The following TMEM150C variants were observed in gnomAD, a reference collection of about 807,000 sequenced individuals.
TMEM150C encodes tentonin 3.
In TMEM150C, 10 loss-of-function variants were observed where a neutral mutation model predicts 29.9. That is an observed-to-expected ratio of 0.33 (90% CI 0.21 to 0.57). The LOEUF is 0.57. Among genes scored for constraint, TMEM150C ranks in the 20% least tolerant of loss-of-function variants. The probability of loss-of-function intolerance (pLI) is 0.88; values close to 1 mark genes in which losing one functional copy is unlikely to be tolerated. For synonymous variants in TMEM150C, 101 were observed against 112.5 expected (o/e 0.90, Z 0.64); for missense variants, 251 against 303.6 (o/e 0.83, Z 1.29).
intron 7 of TMEM150C, among the ~76,000 whole-genome samples, chr4:82,486,891 T>TAGA (rs1221943227): frequency 1.8e-4 from 27 of 152,174 alleles, no homozygotes; most frequent in Non-Finnish European, 2.9e-5. Flanking sequence ...AAAAAGTTCA[T>TAGA]AGCAGCTTTA....
chr4:82,507,111 G>T (rs1230438178), intron 1 of TMEM150C, among the ~76,000 whole-genome samples: 1 of 152,160 alleles, frequency 6.6e-6, no homozygotes, highest in African/African-American at 2.4e-5. Flanking sequence ...GGATGTCAAG[G>T]ACAGAGTGGC....
At chr4:82,549,513 G>A (rs1360345488) in intron 1 of TMEM150C, among the ~76,000 whole-genome samples, 1 of 152,190 alleles carries the variant, frequency 6.6e-6, no homozygotes, top group Non-Finnish European at 1.5e-5. Flanking sequence ...AGTTCTGTAA[G>A]ACGAAAGAAG....
At chr4:82,499,836 T>A (rs1248413444) in intron 5 of TMEM150C, among the ~76,000 whole-genome samples, 1 of 152,044 alleles carries the variant, frequency 6.6e-6, no homozygotes, top group East Asian at 1.9e-4. Context: ...ATAACGTCCC[T>A]TCCTTGCAGT....
chr4:82,527,772 CTG>C (rs1724702141), intron 1 of TMEM150C, among the ~76,000 whole-genome samples: 1 of 152,158 alleles, frequency 6.6e-6, no homozygotes, highest in South Asian at 2.1e-4. Context: ...TCCCTGTAAA[CTG>C]TGTGTGTATA....
intron 1 of TMEM150C, among the ~76,000 whole-genome samples, chr4:82,512,747 C>T (rs908310696): frequency 6.6e-6 from 1 of 152,086 alleles, no homozygotes; most frequent in Admixed American, 6.6e-5. Flanking sequence ...ATAATTAATG[C>T]CACTGAATTA....
At chr4:82,498,465 T>A (rs1723627506) in intron 5 of TMEM150C, among the ~76,000 whole-genome samples, 1 of 152,226 alleles carries the variant, frequency 6.6e-6, no homozygotes, top group African/African-American at 2.4e-5. Flanking sequence ...AATGTTTTTG[T>A]ATTTTTAGTA....
chr4:82,497,192 T>C (rs1723584429), intron 5 of TMEM150C, among the ~76,000 whole-genome samples: 1 of 152,178 alleles, frequency 6.6e-6, no homozygotes, highest in African/African-American at 2.4e-5. Context: ...TTTTCATATT[T>C]ATACGAAGAG....
chr4:82,496,962 T>C (rs918206520), intron 5 of TMEM150C, among the ~76,000 whole-genome samples: 2 of 152,264 alleles, frequency 1.3e-5, no homozygotes, highest in African/African-American at 4.8e-5. Flanking sequence ...CTAAAAATCG[T>C]ACCTAGTATA....
At chr4:82,486,840 ACACAACAGAATAAAT>A (rs1405815274) in intron 7 of TMEM150C, among the ~76,000 whole-genome samples, 4 of 152,134 alleles carry the variant, frequency 2.6e-5, no homozygotes, top group Non-Finnish European at 4.4e-5. Flanking sequence ...ATCTGTATAT[ACACAACAGAATAAAT>A]GGAAGGAGGA....
chr4:82,492,803 A>C (rs1262264628), intron 6 of TMEM150C, among the ~76,000 whole-genome samples: 1 of 139,696 alleles, frequency 7.2e-6, no homozygotes, highest in Non-Finnish European at 1.5e-5. Context: ...AAAAAAAAAA[A>C]AAAAAAACAA....
intron 1 of TMEM150C, among the ~76,000 whole-genome samples, chr4:82,516,408 T>C (rs373960049): frequency 6.6e-6 from 1 of 152,338 alleles, no homozygotes; most frequent in Non-Finnish European, 1.5e-5. Flanking sequence ...CCAGATTCTC[T>C]GGTTTCAAAT....
At chr4:82,544,949 G>A (rs185197232) in intron 1 of TMEM150C, among the ~76,000 whole-genome samples, 56 of 152,230 alleles carry the variant, frequency 3.7e-4, no homozygotes, top group African/African-American at 1.3e-3. Context: ...TGTATTCACA[G>A]CCAAATTCTA....
chr4:82,487,002 G>A (rs1310225031), intron 7 of TMEM150C, among the ~76,000 whole-genome samples: 3 of 152,118 alleles, frequency 2.0e-5, no homozygotes, highest in East Asian at 1.9e-4. Context: ...ACCTGAAATC[G>A]GGAAATTTTC....
At chr4:82,561,784 G>T in intron 1 of TMEM150C, 122 bp downstream of exon 1, 1 of 741,078 alleles carries the variant, frequency 1.3e-6, no homozygotes, top group Non-Finnish European at 1.6e-6. Flanking sequence ...GGACCCAGCC[G>T]CCCCAGCCGC....
chr4:82,527,537 G>A (rs1724694432), intron 1 of TMEM150C, among the ~76,000 whole-genome samples: 1 of 152,142 alleles, frequency 6.6e-6, no homozygotes, highest in African/African-American at 2.4e-5. Flanking sequence ...CATCAAGGCT[G>A]ACGAGGGCTG....
chr4:82,550,582 C>A (rs1031627517), intron 1 of TMEM150C, among the ~76,000 whole-genome samples: 1 of 151,942 alleles, frequency 6.6e-6, no homozygotes, highest in Non-Finnish European at 1.5e-5. Flanking sequence ...GGGCGGATCA[C>A]GAGGTCAGGA....
chr4:82,560,431 T>C (rs538727370), intron 1 of TMEM150C, among the ~76,000 whole-genome samples: 1 of 152,324 alleles, frequency 6.6e-6, no homozygotes, highest in South Asian at 2.1e-4. Flanking sequence ...GCAAAACATT[T>C]ATTAAATAAT....
intron 5 of TMEM150C, among the ~76,000 whole-genome samples, chr4:82,501,749 C>G (rs560740602): frequency 5.3e-5 from 8 of 152,120 alleles, no homozygotes; most frequent in Non-Finnish European, 1.0e-4. Flanking sequence ...AAAGGTCTTC[C>G]CATTCTTATA....
chr4:82,561,321 AAAGG>A (rs1156296582), intron 1 of TMEM150C, among the ~76,000 whole-genome samples: 1 of 152,200 alleles, frequency 6.6e-6, no homozygotes, highest in African/African-American at 2.4e-5. Context: ...TGCGCCCAGG[AAAGG>A]AAGGAAGACT....
Sources: allele counts gnomAD v4.1 joint callset (sites outside exome capture counted in the v4.1 genomes callset), GRCh38; gene constraint gnomAD v4.1.1; transcripts MANE v1.5; gene names NCBI Gene and HGNC (gene_info 2026-07-23, HGNC 2026-07-21).